The following FBXW7 variants were observed in gnomAD, a reference collection of about 807,000 sequenced individuals.
FBXW7 encodes F-box/WD repeat-containing protein 7.
Under a neutral mutation model 86.3 loss-of-function variants are expected in FBXW7, and 11 were observed. The observed-to-expected ratio is 0.13, with a 90% confidence interval of 0.08 to 0.21. The LOEUF (loss-of-function observed/expected upper bound fraction) is 0.21. Ranked by LOEUF, FBXW7 falls within the 10% of genes least tolerant of loss-of-function variation. The probability of loss-of-function intolerance (pLI) is 1.00; values close to 1 mark genes in which losing one functional copy is unlikely to be tolerated. For synonymous variants in FBXW7, 313 were observed against 297.9 expected (o/e 1.05, Z -0.52); for missense variants, 488 against 847.4 (o/e 0.58, Z 5.27).
At chr4:152,518,005 T>C (rs1748658194) in intron 2 of FBXW7, among the ~76,000 whole-genome samples, 1 of 152,206 alleles carries the variant, frequency 6.6e-6, no homozygotes, top group Non-Finnish European at 1.5e-5. Context: ...CTTTTTTTCT[T>C]CAAGACAAAG....
chr4:152,462,917 C>CTTTTT (rs534922461), intron 2 of FBXW7, among the ~76,000 whole-genome samples: 2 of 127,082 alleles, frequency 1.6e-5, no homozygotes, highest in Non-Finnish European at 1.7e-5. Flanking sequence ...CACTTCCAGT[C>CTTTTT]TTTTTTTTTT....
At chr4:152,339,038 T>TTAAAGTATTTACCCATGTGGAATCTACAA (rs1730448681) in intron 6 of FBXW7, among the ~76,000 whole-genome samples, 2 of 152,330 alleles carry the variant, frequency 1.3e-5, no homozygotes, top group East Asian at 3.9e-4. Flanking sequence ...GGAATACTTT[T>TTAAAGTATTTACCCATGTGGAATCTACAA]TAAAGTATTT....
At chr4:152,336,485 T>C (rs771727196) in intron 7 of FBXW7, among the ~76,000 whole-genome samples, 28 of 152,032 alleles carry the variant, frequency 1.8e-4, no homozygotes, top group Non-Finnish European at 3.5e-4. Flanking sequence ...TGATAACCTC[T>C]AAAATACGGA....
intron 6 of FBXW7, among the ~76,000 whole-genome samples, chr4:152,341,630 A>G (rs1248057126): frequency 2.0e-5 from 3 of 152,218 alleles, no homozygotes; most frequent in Admixed American, 2.0e-4. Context: ...GATTAATGCT[A>G]TCATCTCAAC....
At chr4:152,527,573 A>C (rs1170929553) in intron 2 of FBXW7, among the ~76,000 whole-genome samples, 1 of 152,180 alleles carries the variant, frequency 6.6e-6, no homozygotes, top group African/African-American at 2.4e-5. Context: ...TTTGAGAACC[A>C]GCCTGGGCAA....
intron 2 of FBXW7, among the ~76,000 whole-genome samples, chr4:152,518,682 T>C (rs531203473): frequency 2.0e-5 from 3 of 152,340 alleles, no homozygotes; most frequent in South Asian, 2.1e-4. Context: ...AAGGGCAAAG[T>C]TCAAATGTAT....
At chr4:152,445,974 G>A (rs1371460274) in intron 2 of FBXW7, among the ~76,000 whole-genome samples, 4 of 131,044 alleles carry the variant, frequency 3.1e-5, no homozygotes, top group Non-Finnish European at 6.7e-5. Context: ...TTGGTCCAAA[G>A]TAAGAGTTCA....
chr4:152,382,491 T>C lies in FBXW7; in HGVS notation c.501+28812A>G, dbSNP rs903177253. 5.8e-6 allele frequency: 7 copies of C among 1,203,540 alleles called. No individual in the cohort carries two copies. The African/African-American group carries it at 9.4e-5, about 16-fold the overall frequency. 74.6% of individuals were successfully genotyped at this position (1,203,540 alleles called of 1,614,324 possible). A position where few individuals can be genotyped will look rare whatever the true frequency, so the allele number is the denominator to read the frequency against. ...CTGCTTTTGTCTTTCAACCTTCCCC[T>C]ACCAAATGTCCTGACCTGTCTGAGG... On this transcript the variant is annotated intron_variant, in intron 4 of 13. Coordinates refer to ENST00000281708, the MANE Select transcript of FBXW7 (RefSeq NM_001349798.2).
intron 4 of FBXW7, among the ~76,000 whole-genome samples, chr4:152,350,507 T>A (rs1217486003): frequency 6.6e-6 from 1 of 151,810 alleles, no homozygotes; most frequent in African/African-American, 2.4e-5. Context: ...TCGTGAATCA[T>A]TTTTCTTTAA....
At chr4:152,516,295 C>T (rs1188639331) in intron 2 of FBXW7, among the ~76,000 whole-genome samples, 2 of 152,236 alleles carry the variant, frequency 1.3e-5, no homozygotes, top group Non-Finnish European at 2.9e-5. Context: ...GGAGTATTAT[C>T]GCCTGAGCTC....
chr4:152,488,795 C>T (rs371157268), intron 2 of FBXW7, among the ~76,000 whole-genome samples: 1 of 151,930 alleles, frequency 6.6e-6, no homozygotes, highest in African/African-American at 2.4e-5. Context: ...AGGAACTACC[C>T]ATATAATATT....
chr4:152,486,525 T>C (rs1035089336), intron 2 of FBXW7, among the ~76,000 whole-genome samples: 2 of 152,082 alleles, frequency 1.3e-5, no homozygotes, highest in African/African-American at 4.8e-5. Flanking sequence ...ACAAACACAT[T>C]AGACTAGCCC....
intron 2 of FBXW7, among the ~76,000 whole-genome samples, chr4:152,447,494 A>T (rs1741515428): frequency 6.6e-6 from 1 of 152,222 alleles, no homozygotes; most frequent in African/African-American, 2.4e-5. Context: ...GTTCTATTTT[A>T]CAGTTAGCAA....
At chr4:152,486,773 A>G (rs568456606) in intron 2 of FBXW7, among the ~76,000 whole-genome samples, 58 of 152,288 alleles carry the variant, frequency 3.8e-4, no homozygotes, top group African/African-American at 1.3e-3. Context: ...ATAAACCGTT[A>G]ACATAGCTGT....
At chr4:152,414,208 G>A (rs150841866) in intron 2 of FBXW7, among the ~76,000 whole-genome samples, 178 of 152,222 alleles carry the variant, frequency 1.2e-3, no homozygotes, top group African/African-American at 3.8e-3. Context: ...ACACACATTA[G>A]TTTATCTTTA....
At chr4:152,462,451 G>A (rs532521933) in intron 2 of FBXW7, among the ~76,000 whole-genome samples, 48 of 152,268 alleles carry the variant, frequency 3.2e-4, no homozygotes, top group African/African-American at 1.0e-3. Context: ...GTATAGTTTC[G>A]TGATTAGCCA....
intron 2 of FBXW7, among the ~76,000 whole-genome samples, chr4:152,464,915 T>A (rs1379932099): frequency 6.6e-6 from 1 of 152,228 alleles, no homozygotes; most frequent in African/African-American, 2.4e-5. Context: ...TACTGTTCAA[T>A]GATTTGCAGA....
At chr4:152,347,481 A>C (rs923210282) in intron 5 of FBXW7, among the ~76,000 whole-genome samples, 1 of 152,172 alleles carries the variant, frequency 6.6e-6, no homozygotes, top group African/African-American at 2.4e-5. Context: ...TACTTTATTA[A>C]AGCTTTAAAA....
chr4:152,488,952 A>C (rs1745596399), intron 2 of FBXW7, among the ~76,000 whole-genome samples: 1 of 152,084 alleles, frequency 6.6e-6, no homozygotes, highest in Non-Finnish European at 1.5e-5. Context: ...ATCTGTAAAA[A>C]TTACTGTAAG....
Sources: allele counts gnomAD v4.1 joint callset (sites outside exome capture counted in the v4.1 genomes callset), GRCh38; gene constraint gnomAD v4.1.1; transcripts MANE v1.5; gene names NCBI Gene and HGNC (gene_info 2026-07-23, HGNC 2026-07-21).